The following GRIK5 variants were observed in gnomAD, a reference collection of about 807,000 sequenced individuals.
GRIK5 encodes the protein glutamate ionotropic receptor kainate type subunit 5.
A neutral mutation model predicts 97.4 loss-of-function variants in GRIK5; 43 were observed. The observed-to-expected ratio is 0.44, with a 90% CI of 0.35 to 0.57. GRIK5 has a LOEUF of 0.57. Ranked by LOEUF, GRIK5 falls within the 20% of genes least tolerant of loss-of-function variation. The pLI is 0.01. For missense variants in GRIK5, 1,015 were observed against 1,382.0 expected (o/e 0.73, Z 4.21); for synonymous variants, 580 against 583.5 (o/e 0.99, Z 0.09).
chr19:42,051,338 C>CG (rs2146134150), intron 11 of GRIK5, among the ~76,000 whole-genome samples: 1 of 152,244 alleles, frequency 6.6e-6, no homozygotes, highest in South Asian at 2.1e-4. Context: ...CCAGGGGCAG[C>CG]GCCAGCCTGC....
In GRIK5 at chr19:42,066,667, G is replaced by A. The variant is rs1250755526; in HGVS notation, c.-50-847C>T. Reference sequence around the variant, plus strand: ...AAAAGAGGAGAGTTACAGGGAGGCAGGGAGAGGACTAGGAGGGAGAAAGAG... The same window carrying A: ...AAAAGAGGAGAGTTACAGGGAGGCAAGGAGAGGACTAGGAGGGAGAAAGAG... On this transcript the variant is annotated intron_variant, in intron 1 of 19. Transcript: ENST00000593562. Among the ~76,000 whole-genome samples, 5 of 151,922 alleles carry A rather than the reference G, an allele frequency of 3.3e-5. No individual in the cohort carries two copies. In the East Asian group the frequency reaches 5.8e-4, roughly 18 times the overall value.
At chr19:42,069,119 G>T (rs1444729728) in intron 1 of GRIK5, 122 bp downstream of exon 1, 2 of 423,976 alleles carry the variant, frequency 4.7e-6, no homozygotes, top group Non-Finnish European at 4.2e-6. Context: ...GGCCCCTAGT[G>T]GGGGAGGGTA....
chr19:42,012,677 C>G (rs2146030901), intron 15 of GRIK5, among the ~76,000 whole-genome samples: 1 of 152,088 alleles, frequency 6.6e-6, no homozygotes, highest in Non-Finnish European at 1.5e-5. Flanking sequence ...GGAATTGAGA[C>G]TAGCCTGGGC....
At chr19:42,036,217 G>A (rs1028725726) in intron 12 of GRIK5, among the ~76,000 whole-genome samples, 5 of 151,602 alleles carry the variant, frequency 3.3e-5, no homozygotes, top group African/African-American at 4.9e-5. Flanking sequence ...ACACCACTAC[G>A]CCTGGCTAAT....
chr19:42,046,699 C>T (rs565699299), intron 11 of GRIK5, among the ~76,000 whole-genome samples: 3 of 152,254 alleles, frequency 2.0e-5, no homozygotes, highest in African/African-American at 7.2e-5. Flanking sequence ...CAATATGCTA[C>T]TCTTTGTTAA....
At chr19:42,068,510 C>G in intron 1 of GRIK5, 1 of 384,966 alleles carries the variant, frequency 2.6e-6, no homozygotes. Context: ...AGCCGGGCAC[C>G]CAGAGTGGAT....
intron 5 of GRIK5, among the ~76,000 whole-genome samples, chr19:42,061,849 A>C (rs2076263757): frequency 6.6e-6 from 1 of 152,124 alleles, no homozygotes; most frequent in Non-Finnish European, 1.5e-5. Flanking sequence ...TCTTCCTAGA[A>C]CACGAATCTG....
At chr19:42,028,887 A>G (rs529537300) in intron 12 of GRIK5, among the ~76,000 whole-genome samples, 1 of 152,328 alleles carries the variant, frequency 6.6e-6, no homozygotes, top group African/African-American at 2.4e-5. Flanking sequence ...AGAGCTAAGG[A>G]GTTATGACAG....
chr19:42,013,385 CT>C (rs888298594), intron 15 of GRIK5, among the ~76,000 whole-genome samples: 19 of 141,526 alleles, frequency 1.3e-4, no homozygotes, highest in Non-Finnish European at 1.9e-4. Context: ...TTAAAAACAT[CT>C]TTTTTTTTCT....
rs779265921 is a variant in GRIK5 at position 42,065,176 on chromosome 19, C to A, written c.244+47G>T. ...CAGGGGCAGAGGGATGGACTGAGGGCCACCGACCTGCCCTGCCTCACCCCA... is the reference window on the plus strand; with the variant it reads ...CAGGGGCAGAGGGATGGACTGAGGGACACCGACCTGCCCTGCCTCACCCCA... On this transcript the variant is annotated intron_variant, in intron 3 of 19. Transcript: ENST00000593562. This position sits in a 1 kb window ranked among gnomAD's most constrained non-coding sequence, Gnocchi z 5.8. 8 of 1,545,990 alleles carry A rather than the reference C, an allele frequency of 5.2e-6. No homozygotes were observed. Among genetic ancestry groups the A allele is most frequent in the Admixed American group, 1.7e-5 (1 of 57,474 alleles).
At chr19:42,000,543 G>A (rs2146005472) in intron 19 of GRIK5, among the ~76,000 whole-genome samples, 1 of 152,294 alleles carries the variant, frequency 6.6e-6, no homozygotes, top group African/African-American at 2.4e-5. Flanking sequence ...ATCGCATCAC[G>A]TGCACACCTA....
rs982794223 is a variant in GRIK5, at chr19:42,070,071, G to A, written c.-881C>T. Among the ~76,000 whole-genome samples, 3 of 152,080 alleles carry A rather than the reference G, an allele frequency of 2.0e-5. No individual in the cohort carries two copies. Among genetic ancestry groups the A allele is most frequent in the Non-Finnish European group, 4.4e-5 (3 of 67,982 alleles). ...ACACACTCCTGGTCCCCTGTGAGGA[G>A]CCGGCTCCAGTCCCCGGCTCCAGTC... On this transcript the variant is annotated 5_prime_UTR_variant, in exon 1 of 20. Transcript: ENST00000593562.
chr19:42,005,237 C>CAAAA (rs56825931), intron 17 of GRIK5, among the ~76,000 whole-genome samples: 7 of 88,668 alleles, frequency 7.9e-5, no homozygotes, highest in East Asian at 3.4e-4. Context: ...GACTCCGTCT[C>CAAAA]AAAAAAAAAA....
At chr19:42,037,384 T>C (rs771386988) in intron 12 of GRIK5, among the ~76,000 whole-genome samples, 1 of 152,104 alleles carries the variant, frequency 6.6e-6, no homozygotes, top group African/African-American at 2.4e-5. Flanking sequence ...GCTTGAACCC[T>C]GGAGGCAGAG....
At chr19:42,064,630 G>A (rs1194710013) in intron 3 of GRIK5, among the ~76,000 whole-genome samples, 3 of 152,028 alleles carry the variant, frequency 2.0e-5, no homozygotes, top group Admixed American at 6.6e-5. Flanking sequence ...AAACATACAC[G>A]AACACCATAA....
chr19:42,005,482 C>CCACCCACATATACTGA (rs1306915639), intron 17 of GRIK5, among the ~76,000 whole-genome samples: 3 of 152,230 alleles, frequency 2.0e-5, no homozygotes, highest in Non-Finnish European at 4.4e-5. Context: ...ATTGTATACA[C>CCACCCACATATACTGA]AGTCTCACTG....
intron 12 of GRIK5, among the ~76,000 whole-genome samples, chr19:42,030,330 T>A (rs1172858159): frequency 6.6e-6 from 1 of 152,164 alleles, no homozygotes; most frequent in Non-Finnish European, 1.5e-5. Flanking sequence ...TAAAGGTGCG[T>A]GCCGCTGAGT....
At chr19:42,014,839 G>A (rs2075606115) in intron 15 of GRIK5, among the ~76,000 whole-genome samples, 1 of 152,172 alleles carries the variant, frequency 6.6e-6, no homozygotes, top group Non-Finnish European at 1.5e-5. Flanking sequence ...AGAATCACTT[G>A]AGCCCAGGAG....
rs374715829 is a variant in GRIK5, at chr19:42,065,536, T to C, written c.80-149A>G. 2.6e-4 allele frequency: 254 copies of C among 975,396 alleles called. No homozygotes were observed. In the African/African-American group the frequency reaches 3.4e-3, roughly 13 times the overall value. 60.4% of individuals were successfully genotyped at this position (975,396 alleles called of 1,614,324 possible). A position where few individuals can be genotyped will look rare whatever the true frequency, so the allele number is the denominator to read the frequency against. Reference sequence around the variant, plus strand: ...CTGAGGTTGGTGGGAGCTAGGGGTCTGGACTCCTGGGTCCTGGGGGAAGGA... The same window carrying C: ...CTGAGGTTGGTGGGAGCTAGGGGTCCGGACTCCTGGGTCCTGGGGGAAGGA... On this transcript the variant is annotated intron_variant, in intron 2 of 19. Coordinates refer to ENST00000593562, the MANE Select transcript of GRIK5 (RefSeq NM_002088.5). This position sits in a 1 kb window ranked among gnomAD's most constrained non-coding sequence, Gnocchi z 5.8.
Sources: allele counts gnomAD v4.1 joint callset (sites outside exome capture counted in the v4.1 genomes callset), GRCh38; gene constraint gnomAD v4.1.1; non-coding constraint Gnocchi (gnomAD v3.1); transcripts MANE v1.5; gene names NCBI Gene and HGNC (gene_info 2026-07-23, HGNC 2026-07-21).